Variants in SASH1 observed in about 807,000 individuals in gnomAD.
SASH1 encodes the protein SAM and SH3 domain containing 1.
Under a neutral mutation model 125.2 loss-of-function variants are expected in SASH1, and 44 were observed. That is an observed-to-expected ratio of 0.35 (90% CI 0.28 to 0.45). The LOEUF (loss-of-function observed/expected upper bound fraction) is 0.45. SASH1 is among the 20% of genes least tolerant of loss of function. The pLI is 1.00. For missense variants in SASH1, 1,426 were observed against 1,614.5 expected (o/e 0.88, Z 2.00); for synonymous variants, 639 against 649.1 (o/e 0.98, Z 0.24).
At chr6:148,245,593 A>G in the SASH1 span, among the ~76,000 whole-genome samples, 20 of 152,246 alleles carry the variant, frequency 1.3e-4, no homozygotes, top group Non-Finnish European at 2.5e-4. Flanking sequence ...TAATAACTGA[A>G]GGGACTTTTT....
intron 8 of SASH1, among the ~76,000 whole-genome samples, chr6:148,498,672 C>T (rs1583258425): frequency 1.3e-5 from 2 of 152,160 alleles, no homozygotes; most frequent in Admixed American, 6.5e-5. Flanking sequence ...CACATTTCCC[C>T]TGCTAGCTGA....
At chr6:148,385,954 T>C (rs989974940) in intron 1 of SASH1, among the ~76,000 whole-genome samples, 3 of 151,968 alleles carry the variant, frequency 2.0e-5, no homozygotes, top group Non-Finnish European at 4.4e-5. Context: ...CAAAAGGGGG[T>C]CGTGGGAACC....
the SASH1 span, among the ~76,000 whole-genome samples, chr6:148,246,156 T>C: frequency 6.6e-6 from 1 of 152,156 alleles, no homozygotes; most frequent in Admixed American, 6.5e-5. Flanking sequence ...TCTCTCTCTC[T>C]CTGTCTTATA....
the SASH1 span, among the ~76,000 whole-genome samples, chr6:148,236,758 C>G: frequency 6.6e-6 from 1 of 152,172 alleles, no homozygotes; most frequent in Non-Finnish European, 1.5e-5. Flanking sequence ...TTTGCTATGT[C>G]AGAGAGATGC....
intron 8 of SASH1, among the ~76,000 whole-genome samples, chr6:148,490,627 T>C (rs1189501912): frequency 6.6e-6 from 1 of 152,224 alleles, no homozygotes; most frequent in African/African-American, 2.4e-5. Context: ...TCCTTAAAAT[T>C]TGGAAACTAC....
chr6:148,207,956 A>G, the SASH1 span, among the ~76,000 whole-genome samples: 1 of 152,318 alleles, frequency 6.6e-6, no homozygotes, highest in African/African-American at 2.4e-5. Flanking sequence ...TCATCAGTCC[A>G]GTGAGGCCTC....
At chr6:148,300,198 A>G (rs906774814) in intron 1 of SASH1, among the ~76,000 whole-genome samples, 2 of 152,216 alleles carry the variant, frequency 1.3e-5, no homozygotes, top group African/African-American at 4.8e-5. Context: ...TTTCATTAGT[A>G]TGATCAGATT....
At chr6:148,243,270 G>A in the SASH1 span, among the ~76,000 whole-genome samples, 1 of 151,990 alleles carries the variant, frequency 6.6e-6, no homozygotes. Flanking sequence ...GACCAACATG[G>A]AGAAACCCCG....
chr6:148,239,797 G>T, the SASH1 span, among the ~76,000 whole-genome samples: 10 of 150,694 alleles, frequency 6.6e-5, no homozygotes, highest in East Asian at 2.0e-3. Context: ...ATTTCTACTT[G>T]CAAAACCTAT....
At chr6:148,297,237 C>T (rs1055338681) in intron 1 of SASH1, among the ~76,000 whole-genome samples, 3 of 152,182 alleles carry the variant, frequency 2.0e-5, no homozygotes, top group South Asian at 2.1e-4. Context: ...TGGAGAGGGT[C>T]GCACCAGGGC....
intron 1 of SASH1, among the ~76,000 whole-genome samples, chr6:148,367,183 C>T (rs1002860971): frequency 6.6e-6 from 1 of 152,152 alleles, no homozygotes; most frequent in Non-Finnish European, 1.5e-5. Context: ...CTCGGCCTCC[C>T]AAAGTGCGGG....
chr6:148,209,288 A>G, the SASH1 span, among the ~76,000 whole-genome samples: 3 of 152,206 alleles, frequency 2.0e-5, no homozygotes, highest in Admixed American at 6.5e-5. Context: ...TGTGACTGAA[A>G]TATTAATCAA....
chr6:148,326,808 T>C (rs79922139), intron 1 of SASH1, among the ~76,000 whole-genome samples: 2,729 of 152,170 alleles, frequency 0.018, 68 homozygotes, highest in African/African-American at 0.062. Flanking sequence ...AGGGTGAAGT[T>C]AGAGCAATGC....
chr6:148,421,214 A>G (rs1200479103), intron 2 of SASH1, among the ~76,000 whole-genome samples: 1 of 133,578 alleles, frequency 7.5e-6, no homozygotes, highest in Non-Finnish European at 1.7e-5. Flanking sequence ...AGAAAGAAAG[A>G]AAAAGAAAGA....
intron 8 of SASH1, among the ~76,000 whole-genome samples, chr6:148,493,496 G>A (rs1186102363): frequency 6.6e-6 from 1 of 152,212 alleles, no homozygotes; most frequent in Non-Finnish European, 1.5e-5. Context: ...ATACAGAGAT[G>A]TGAATAGCCC....
chr6:148,261,693 AC>A, the SASH1 span, among the ~76,000 whole-genome samples: 2 of 152,136 alleles, frequency 1.3e-5, no homozygotes, highest in African/African-American at 2.4e-5. Flanking sequence ...TGCAGGAATG[AC>A]AGTCCTGCAT....
chr6:148,325,261 T>TTTGTTGTTG (rs1554235037), intron 1 of SASH1, among the ~76,000 whole-genome samples: 8,614 of 149,928 alleles, frequency 0.057, 313 homozygotes, highest in Non-Finnish European at 0.077. Context: ...AAAAGCCTCT[T>TTTGTTGTTG]TTGTTGTTGT....
At chr6:148,264,060 G>C in the SASH1 span, among the ~76,000 whole-genome samples, 1 of 151,984 alleles carries the variant, frequency 6.6e-6, no homozygotes, top group African/African-American at 2.4e-5. Context: ...TGAGGCTTAA[G>C]GAGGTTACAT....
At chr6:148,242,766 G>A in the SASH1 span, among the ~76,000 whole-genome samples, 45 of 152,196 alleles carry the variant, frequency 3.0e-4, no homozygotes, top group South Asian at 1.0e-3. Flanking sequence ...CCCTTATGCC[G>A]TTGGTTCATC....
Sources: allele counts gnomAD v4.1 joint callset (sites outside exome capture counted in the v4.1 genomes callset), GRCh38; gene constraint gnomAD v4.1.1; transcripts MANE v1.5; gene names NCBI Gene and HGNC (gene_info 2026-07-23, HGNC 2026-07-21).